AGAP1: variants seen among roughly 807,000 people sequenced by gnomAD.
AGAP1 encodes the protein arf-GAP with GTPase, ANK repeat and PH domain-containing protein 1.
AGAP1 carries 29 observed loss-of-function variants against 105.3 expected under a neutral mutation model. The ratio of observed to expected loss-of-function variants is 0.28; its 90% confidence interval spans 0.21 to 0.38. The LOEUF (loss-of-function observed/expected upper bound fraction) is 0.38. AGAP1 is among the 10% of genes least tolerant of loss of function. The pLI is 1.00. For synonymous variants in AGAP1, 509 were observed against 485.9 expected (o/e 1.05, Z -0.63); for missense variants, 998 against 1,165.1 (o/e 0.86, Z 2.09).
chr2:236,036,825 C>T lies in AGAP1; in HGVS notation c.1800+110C>T. ...TAGAGGACCAGTGTGAATGACAGGA[C>T]CTAGCTATTCTTTATGAGCAGAAAG... On this transcript the variant is annotated intron_variant, in intron 14 of 17. Transcript: ENST00000304032. The surrounding 1 kb of genome is among the most constrained non-coding windows in gnomAD (Gnocchi z 5.7). The T allele has an allele frequency of 6.8e-7, 1 of 1,469,776 alleles. No individual in the cohort carries two copies. Among genetic ancestry groups the T allele is most frequent in the Non-Finnish European group, 9.1e-7 (1 of 1,102,824 alleles). The allele number at this position is 1,469,776 out of a possible 1,614,324, so 91.0% of individuals were successfully genotyped here.
intron 1 of AGAP1, among the ~76,000 whole-genome samples, chr2:235,571,149 A>T (rs973864570): frequency 3.9e-5 from 6 of 152,278 alleles, no homozygotes; most frequent in African/African-American, 1.4e-4. Context: ...TTATCACAGG[A>T]ACAGCACCAA....
At chr2:235,899,174 G>A (rs929204367) in intron 10 of AGAP1, among the ~76,000 whole-genome samples, 9 of 152,130 alleles carry the variant, frequency 5.9e-5, no homozygotes, top group African/African-American at 1.7e-4. Context: ...TGTAGCAATC[G>A]ATATTCACCT....
intron 9 of AGAP1, among the ~76,000 whole-genome samples, chr2:235,868,081 A>G (rs770641631): frequency 1.1e-4 from 17 of 152,186 alleles, no homozygotes; most frequent in Non-Finnish European, 2.4e-4. Flanking sequence ...TTAGAACTTC[A>G]TAGAAACCTT....
At chr2:235,670,347 A>T in intron 1 of AGAP1, 2 of 499,826 alleles carry the variant, frequency 4.0e-6, no homozygotes, top group Non-Finnish European at 7.1e-6. Context: ...GAGGAACCGG[A>T]GGGTCCCCGG....
chr2:236,054,002 T>C (rs1445380876), intron 16 of AGAP1, among the ~76,000 whole-genome samples: 1 of 152,236 alleles, frequency 6.6e-6, no homozygotes, highest in Non-Finnish European at 1.5e-5. Context: ...TATAAAAAGA[T>C]GTCGCCTTCG....
intron 16 of AGAP1, among the ~76,000 whole-genome samples, chr2:236,098,620 C>CTTTTTTTTTTTTTTT (rs34419216): frequency 1.3e-4 from 15 of 115,232 alleles, no homozygotes; most frequent in African/African-American, 5.4e-4. Context: ...TCTTTTTTTC[C>CTTTTTTTTTTTTTTT]TTTTTTTTTT....
At chr2:235,686,612 GAGATATAGATATATATATATATATAT>G (rs1949408545) in intron 1 of AGAP1, among the ~76,000 whole-genome samples, 1 of 56,792 alleles carries the variant, frequency 1.8e-5, no homozygotes, top group Non-Finnish European at 3.1e-5. Context: ...TATATACGTG[GAGATATAGATATATATATATATATAT>G]ATATATAGAT....
intron 13 of AGAP1, among the ~76,000 whole-genome samples, chr2:236,024,664 C>T (rs1322222632): frequency 2.0e-5 from 3 of 152,192 alleles, no homozygotes; most frequent in African/African-American, 7.2e-5. Flanking sequence ...AAAAGTTTGA[C>T]AGCCCGGATT....
In AGAP1 at chr2:235,599,852, T is replaced by C. The variant is rs1012580272; in HGVS notation, c.163+105003T>C. ...TGATGGCACGGTCAGTCGCCCCTGG[T>C]GGAGGCAATGCTGGTACCCACGACG... On this transcript the variant is annotated intron_variant, in intron 1 of 17. Coordinates refer to ENST00000304032, the MANE Select transcript of AGAP1 (RefSeq NM_001037131.3). The surrounding 1 kb of genome is among the most constrained non-coding windows in gnomAD (Gnocchi z 5.3). Among the ~76,000 whole-genome samples the C allele has an allele frequency of 6.6e-6, 1 of 152,130 alleles. No homozygotes were observed. Among genetic ancestry groups the C allele is most frequent in the African/African-American group, 2.4e-5 (1 of 41,420 alleles).
intron 1 of AGAP1, among the ~76,000 whole-genome samples, chr2:235,679,989 C>T (rs373264623): frequency 1.2e-4 from 18 of 152,194 alleles, no homozygotes; most frequent in African/African-American, 4.1e-4. Flanking sequence ...TTTTGACTGT[C>T]GTTTCTAAGT....
Position 235,965,848 on chromosome 2 carries a change from GGAGGAAT to G in AGAP1, c.1484-2610_1484-2604del, listed in dbSNP as rs1397862044. The stretch of plus-strand genomic sequence containing the variant: ...AGGACAGAAGTGACGCAGTGGAGAG[GGAGGAAT>G]GAGTGGAAGTGACCTGGCCAAGACA... On this transcript the variant is annotated intron_variant, in intron 12 of 17. Transcript: ENST00000304032. The surrounding 1 kb of genome is among the most constrained non-coding windows in gnomAD (Gnocchi z 5.8). Among the ~76,000 whole-genome samples the G allele has an allele frequency of 6.6e-6, 1 of 152,156 alleles. No individual in the cohort carries two copies. The highest frequency in any genetic ancestry group is 1.9e-4 in the East Asian group (1 of 5,186).
intron 1 of AGAP1, among the ~76,000 whole-genome samples, chr2:235,538,251 A>G (rs1489280936): frequency 6.6e-6 from 1 of 152,198 alleles, no homozygotes; most frequent in East Asian, 1.9e-4. Flanking sequence ...CAGGGCAGGG[A>G]CAAGATTCGT....
rs1277984990 is a variant in AGAP1 at position 235,665,099 on chromosome 2, T to G, written c.164-44080T>G. ...TTAGCCAGGGGTGGTGACATGTGCC[T>G]GTGGTCCCAGCTATTCAGGAGGCAG... On this transcript the variant is annotated intron_variant, in intron 1 of 17. Transcript: ENST00000304032. This position sits in a 1 kb window ranked among gnomAD's most constrained non-coding sequence, Gnocchi z 5.3. Among the ~76,000 whole-genome samples the G allele has an allele frequency of 1.3e-5, 2 of 152,116 alleles. No homozygotes were observed. Among genetic ancestry groups the G allele is most frequent in the African/African-American group, 4.8e-5 (2 of 41,412 alleles).
intron 1 of AGAP1, among the ~76,000 whole-genome samples, chr2:235,593,560 C>T (rs76572529): frequency 0.022 from 3,315 of 152,232 alleles, 115 homozygotes; most frequent in African/African-American, 0.076. Flanking sequence ...AACTCTACAA[C>T]TTAAATATGT....
Position 235,919,314 on chromosome 2 carries a change from G to A in AGAP1, c.1324+10408G>A, listed in dbSNP as rs1293309091. The stretch of plus-strand genomic sequence containing the variant: ...CCACACTGGCAGAGGAGAGTTTTTC[G>A]AAGTAATCGTGACATTTTTCCATCT... On this transcript the variant is annotated intron_variant, in intron 11 of 17. Coordinates refer to ENST00000304032, the MANE Select transcript of AGAP1 (RefSeq NM_001037131.3). The surrounding 1 kb of genome is among the most constrained non-coding windows in gnomAD (Gnocchi z 4.1). Among the ~76,000 whole-genome samples, 3 of 152,172 alleles carry A rather than the reference G, an allele frequency of 2.0e-5. No individual in the cohort carries two copies. Among genetic ancestry groups the A allele is most frequent in the South Asian group, 2.1e-4 (1 of 4,824 alleles).
At chr2:235,498,722 C>T (rs892580478) in intron 1 of AGAP1, among the ~76,000 whole-genome samples, 11 of 152,208 alleles carry the variant, frequency 7.2e-5, no homozygotes, top group South Asian at 2.1e-4. Flanking sequence ...CCAGGCGGCC[C>T]GATTCCCAGG....
rs72981179 is a variant in AGAP1 at position 235,777,749 on chromosome 2, C to T, written c.674-20010C>T. ...AGGCAGATGTCCTGATAAAGGTGCA[C>T]GCTCAAGTGTTTGAGACGTTAACGA... On this transcript the variant is annotated intron_variant, in intron 6 of 17. Transcript: ENST00000304032. The surrounding 1 kb of genome is among the most constrained non-coding windows in gnomAD (Gnocchi z 5.1). Among the ~76,000 whole-genome samples, 36,138 of 152,146 alleles carry T rather than the reference C, an allele frequency of 0.24. 4,904 individuals are homozygous for T. Among genetic ancestry groups the T allele is most frequent in the Admixed American group, 0.39 (5,977 of 15,302 alleles).
Position 235,842,002 on chromosome 2 carries a change from C to A in AGAP1, c.1050+34671C>A, listed in dbSNP as rs115463318. ...TTTAGAAGAAATCTTGCCGTCACCA[C>A]TCCATGCAGACGCTGGGATACTAAG... On this transcript the variant is annotated intron_variant, in intron 9 of 17. Coordinates refer to ENST00000304032, the MANE Select transcript of AGAP1 (RefSeq NM_001037131.3). This position sits in a 1 kb window ranked among gnomAD's most constrained non-coding sequence, Gnocchi z 5.3. Among the ~76,000 whole-genome samples the A allele has an allele frequency of 1.3e-3, 202 of 152,324 alleles. No homozygotes were observed. The highest frequency in any genetic ancestry group is 4.7e-3 in the African/African-American group (194 of 41,572).
rs182758114 is a variant in AGAP1 at position 235,595,034 on chromosome 2, G to A, written c.163+100185G>A. On this transcript the variant is annotated intron_variant, in intron 1 of 17. Transcript: ENST00000304032. ...AGAGGGCACCTCCCGGCATGTGGACGGAATGACCCAGGTGAGGCGGGTGTG... is the reference window on the plus strand; with the variant it reads ...AGAGGGCACCTCCCGGCATGTGGACAGAATGACCCAGGTGAGGCGGGTGTG... 6.8e-4 allele frequency among the ~76,000 whole-genome samples: 104 copies of A among 152,230 alleles called. No homozygotes were observed. The South Asian group carries it at 0.01, about 15-fold the overall frequency.
Sources: allele counts gnomAD v4.1 joint callset (sites outside exome capture counted in the v4.1 genomes callset), GRCh38; gene constraint gnomAD v4.1.1; non-coding constraint Gnocchi (gnomAD v3.1); transcripts MANE v1.5; gene names NCBI Gene and HGNC (gene_info 2026-07-23, HGNC 2026-07-21).